The following FOXN3 variants were observed in gnomAD, a reference collection of about 807,000 sequenced individuals.
FOXN3 encodes the protein forkhead box protein N3.
In FOXN3, 7 loss-of-function variants were observed where a neutral mutation model predicts 38.4. The observed-to-expected ratio is 0.18, with a 90% CI of 0.10 to 0.34. FOXN3 has a LOEUF of 0.34. Ranked by LOEUF, FOXN3 falls within the 10% of genes least tolerant of loss-of-function variation. The pLI is 1.00. For synonymous variants in FOXN3, 230 were observed against 242.2 expected (o/e 0.95, Z 0.47); for missense variants, 456 against 613.4 (o/e 0.74, Z 2.71).
chr14:89,424,616 A>C (rs1448318052), intron 1 of FOXN3, among the ~76,000 whole-genome samples: 1 of 151,808 alleles, frequency 6.6e-6, no homozygotes, highest in African/African-American at 2.4e-5. Context: ...GGTGGCTCAC[A>C]CCTATAATCT....
At chr14:89,590,295 G>A (rs376977664) in intron 1 of FOXN3, among the ~76,000 whole-genome samples, 32 of 152,200 alleles carry the variant, frequency 2.1e-4, no homozygotes, top group South Asian at 1.2e-3. Flanking sequence ...GAGAGTTAAC[G>A]TTAACCCACA....
In FOXN3 at chr14:89,377,360, T is replaced by C. The variant is rs1039589737; in HGVS notation, c.544-26552A>G. ...ATAAATAAAGGTCTTAGTGGACAAC[T>C]GGAGAAATCTGAATATGGACTAGAT... On this transcript the variant is annotated intron_variant, in intron 2 of 5. Transcript: ENST00000557258. Among the ~76,000 whole-genome samples the C allele has an allele frequency of 5.9e-5, 9 of 151,910 alleles. No individual in the cohort carries two copies. In the South Asian group the frequency reaches 8.3e-4, roughly 14 times the overall value.
rs546140416 is a variant in FOXN3, at chr14:89,159,269, G to A, written c.*3145C>T. The A allele has an allele frequency of 2.6e-4, 39 of 152,660 alleles. No individual in the cohort carries two copies. The highest frequency in any genetic ancestry group is 8.9e-4 in the African/African-American group (37 of 41,544). 9.5% of individuals were successfully genotyped at this position (152,660 alleles called of 1,614,324 possible). ...TTGTTCTCAACAATCAAAATACAAAGTTAAACACAATTGAGCCATTGTTTT... is the reference window on the plus strand; with the variant it reads ...TTGTTCTCAACAATCAAAATACAAAATTAAACACAATTGAGCCATTGTTTT... On this transcript the variant is annotated 3_prime_UTR_variant, in exon 6 of 6. Transcript: ENST00000557258.
chr14:89,429,158 G>A (rs941884144), intron 1 of FOXN3, among the ~76,000 whole-genome samples: 5 of 152,184 alleles, frequency 3.3e-5, no homozygotes, highest in African/African-American at 9.7e-5. Context: ...TGTTGGCTGC[G>A]ACCTTGAAAA....
At chr14:89,463,483 T>C (rs961863038) in intron 1 of FOXN3, among the ~76,000 whole-genome samples, 4 of 152,200 alleles carry the variant, frequency 2.6e-5, no homozygotes, top group Non-Finnish European at 4.4e-5. Flanking sequence ...CAAGACTGCA[T>C]GCAGGTTAAG....
intron 2 of FOXN3, among the ~76,000 whole-genome samples, chr14:89,393,609 G>A (rs1373042194): frequency 6.6e-6 from 1 of 152,192 alleles, no homozygotes; most frequent in East Asian, 1.9e-4. Context: ...CCACACCTCA[G>A]CACCAGGGTA....
Position 89,162,790 on chromosome 14 carries a change from T to C in FOXN3, c.1031A>G (p.Tyr344Cys), listed in dbSNP as rs1887138791. ...SSSSSSADDH[Y>C]EFATKGSQEG... ...CTGGCTCCCCTTGGTGGCAAACTCATAGTGGTCGTCGGCTGAGGAGGAGGA... is the reference window on the plus strand; with the variant it reads ...CTGGCTCCCCTTGGTGGCAAACTCACAGTGGTCGTCGGCTGAGGAGGAGGA... Residue 344 changes from tyrosine (Y) to cysteine (C), a missense_variant, in exon 6 of 6, where the codon TAT becomes TGT. Tyr to Cys is a radical substitution (Grantham distance 194). This residue lies in a region of FOXN3 where 386 missense variants were observed against 505.2 expected (regional missense o/e 0.76). Coordinates refer to ENST00000557258, the MANE Select transcript of FOXN3 (RefSeq NM_005197.4). This position sits in a 1 kb window ranked among gnomAD's most constrained non-coding sequence, Gnocchi z 7.2. The C allele has an allele frequency of 1.2e-6, 2 of 1,612,998 alleles. No individual in the cohort carries two copies. Among genetic ancestry groups the C allele is most frequent in the Non-Finnish European group, 1.7e-6 (2 of 1,179,848 alleles).
Position 89,411,981 on chromosome 14 carries a change from A to T in FOXN3, c.496T>A (p.Leu166Ile). Residue 166 changes from leucine to isoleucine, a missense_variant, in exon 2 of 6, where the codon TTA (leucine) becomes ATA (isoleucine). Coordinates refer to ENST00000557258, the MANE Select transcript of FOXN3 (RefSeq NM_005197.4). Reference protein sequence around the residue: ...TGWKNSVRHNLSLNKCFKKVD... With the variant: ...TGWKNSVRHNISLNKCFKKVD... ...TTCTTAAAACACTTATTCAATGATA[A>T]ATTGTGTCTCACTGAGTTTTTCCAC... The T allele has an allele frequency of 6.3e-7, 1 of 1,586,422 alleles. No individual in the cohort carries two copies. The highest frequency in any genetic ancestry group is 8.6e-7 in the Non-Finnish European group (1 of 1,163,296).
intron 3 of FOXN3, among the ~76,000 whole-genome samples, chr14:89,294,977 G>A (rs903751489): frequency 4.6e-5 from 7 of 152,058 alleles, no homozygotes; most frequent in Non-Finnish European, 7.4e-5. Flanking sequence ...TCAGGATCGG[G>A]ACCCCTTTCC....
chr14:89,376,996 G>A (rs1009474368), intron 2 of FOXN3, among the ~76,000 whole-genome samples: 2 of 86,878 alleles, frequency 2.3e-5, no homozygotes, highest in South Asian at 7.3e-4. Context: ...ACTCCGGCCT[G>A]AGCAAAAGAT....
At chr14:89,282,421 G>A (rs539030143) in intron 3 of FOXN3, among the ~76,000 whole-genome samples, 10 of 152,294 alleles carry the variant, frequency 6.6e-5, no homozygotes, top group Admixed American at 5.2e-4. Flanking sequence ...ACAGCAGACC[G>A]GACTGGAGTC....
At chr14:89,572,388 A>G (rs1895513268) in intron 1 of FOXN3, among the ~76,000 whole-genome samples, 1 of 152,242 alleles carries the variant, frequency 6.6e-6, no homozygotes, top group African/African-American at 2.4e-5. Flanking sequence ...GTCTATTAGT[A>G]TAAGAAGAAA....
intron 1 of FOXN3, among the ~76,000 whole-genome samples, chr14:89,526,893 C>T (rs1329616224): frequency 6.6e-6 from 1 of 152,134 alleles, no homozygotes; most frequent in Admixed American, 6.5e-5. Context: ...ACAAGACAGA[C>T]AAATGGACCA....
intron 1 of FOXN3, among the ~76,000 whole-genome samples, chr14:89,476,608 A>T (rs1893214847): frequency 6.6e-6 from 1 of 152,218 alleles, no homozygotes; most frequent in African/African-American, 2.4e-5. Flanking sequence ...CATAAACCAC[A>T]TAAACATATT....
At chr14:89,392,779 T>G (rs1204648438) in intron 2 of FOXN3, among the ~76,000 whole-genome samples, 1 of 148,000 alleles carries the variant, frequency 6.8e-6, no homozygotes, top group Non-Finnish European at 1.5e-5. Flanking sequence ...TAGCTGGGAT[T>G]ACAGGTACAG....
chr14:89,267,407 G>C (rs577021893), intron 4 of FOXN3, among the ~76,000 whole-genome samples: 2 of 152,142 alleles, frequency 1.3e-5, no homozygotes, highest in African/African-American at 4.8e-5. Flanking sequence ...CCTTCGCTAG[G>C]TTAGGTGGCT....
chr14:89,473,259 C>T (rs1265860159), intron 1 of FOXN3, among the ~76,000 whole-genome samples: 2 of 152,088 alleles, frequency 1.3e-5, no homozygotes, highest in African/African-American at 2.4e-5. Flanking sequence ...CTCCTGACCT[C>T]GTGATCCTCC....
At chr14:89,381,184 T>C in intron 2 of FOXN3, among the ~76,000 whole-genome samples, 1 of 132,130 alleles carries the variant, frequency 7.6e-6, no homozygotes, top group East Asian at 2.4e-4. Flanking sequence ...CAAATCAAAC[T>C]CAGCAAACAC....
intron 1 of FOXN3, among the ~76,000 whole-genome samples, chr14:89,449,407 T>C (rs971601449): frequency 7.2e-5 from 11 of 152,214 alleles, no homozygotes; most frequent in Non-Finnish European, 1.5e-4. Context: ...CCAAATTCTT[T>C]TCTTTGTCTC....
Sources: allele counts gnomAD v4.1 joint callset (sites outside exome capture counted in the v4.1 genomes callset), GRCh38; gene constraint gnomAD v4.1.1; regional missense constraint gnomAD v4.1.1; non-coding constraint Gnocchi (gnomAD v3.1); transcripts MANE v1.5; gene names NCBI Gene and HGNC (gene_info 2026-07-23, HGNC 2026-07-21).